MCF2L2: variants seen among roughly 807,000 people sequenced by gnomAD.
MCF2L2 encodes probable guanine nucleotide exchange factor MCF2L2.
In MCF2L2, 102 loss-of-function variants were observed where a neutral mutation model predicts 150.2. The observed-to-expected ratio is 0.68, with a 90% CI of 0.58 to 0.80. MCF2L2 has a LOEUF of 0.80. MCF2L2 is among the 30% of genes least tolerant of loss of function. The pLI is 0.00. For synonymous variants in MCF2L2, 465 were observed against 491.3 expected, an observed-to-expected ratio of 0.95 and a Z score of 0.71; for missense variants, 1,256 against 1,372.8, an observed-to-expected ratio of 0.91 and a Z score of 1.34.
chr3:183,360,148 A>G (rs758141916), intron 3 of MCF2L2, among the ~76,000 whole-genome samples: 4 of 152,256 alleles, frequency 2.6e-5, no homozygotes, highest in Non-Finnish European at 5.9e-5. Context: ...TTGAAGGACT[A>G]CAGCAGCTGC....
At chr3:183,215,578 C>T (rs1034451064) in intron 22 of MCF2L2, among the ~76,000 whole-genome samples, 1 of 152,158 alleles carries the variant, frequency 6.6e-6, no homozygotes, top group Non-Finnish European at 1.5e-5. Context: ...GAATATAGGA[C>T]CTGTTTCCAA....
chr3:183,225,198 T>A (rs1380348854), intron 18 of MCF2L2: 1 of 152,248 alleles, frequency 6.6e-6, no homozygotes, highest in African/African-American at 2.4e-5. Flanking sequence ...TCCATTTCTG[T>A]AGCTCTTTCT....
chr3:183,340,045 T>C (rs956649229), intron 4 of MCF2L2, among the ~76,000 whole-genome samples: 11 of 152,180 alleles, frequency 7.2e-5, no homozygotes, highest in Non-Finnish European at 1.6e-4. Context: ...GCATCAATCA[T>C]GGCTGCAGTT....
chr3:183,268,300 G>A (rs1379073520), intron 15 of MCF2L2, among the ~76,000 whole-genome samples: 2 of 152,206 alleles, frequency 1.3e-5, no homozygotes, highest in South Asian at 2.1e-4. Flanking sequence ...CTAACTAATG[G>A]AGAGGCTCTG....
At chr3:183,216,130 T>G in intron 21 of MCF2L2, 36 bp from the exon 22 acceptor site, 1 of 1,607,706 alleles carries the variant, frequency 6.2e-7, no homozygotes, top group East Asian at 2.2e-5. Context: ...AAATCAAAAG[T>G]ATACCATCTG....
chr3:183,297,162 G>T lies in MCF2L2; in HGVS notation c.1311C>A (p.Ser437Arg). The T allele has an allele frequency of 6.2e-7, 1 of 1,613,730 alleles. No individual in the cohort carries two copies. The highest frequency in any genetic ancestry group is 1.1e-5 in the South Asian group (1 of 91,048). The change falls in exon 12 of 30, where the codon AGC becomes AGA. Residue 437 changes from serine (S) to arginine (R), a missense_variant. Ser to Arg is a moderately radical substitution (Grantham distance 110, BLOSUM62 -1). Transcript: ENST00000328913. ...GGTAGATTCCTGCCTCACACCATTG[G>T]CTGACCTTTTGGAAAGAAACAGTGC... is the stretch of plus-strand genomic sequence containing the variant. Reference protein sequence around the residue: ...LEFHRQLDKVSQWCEAGIYLL... With the variant: ...LEFHRQLDKVRQWCEAGIYLL...
At chr3:183,193,251 C>T (rs1721963205) in intron 26 of MCF2L2, among the ~76,000 whole-genome samples, 155 bp from the exon 27 acceptor site, 1 of 152,162 alleles carries the variant, frequency 6.6e-6, no homozygotes, top group Admixed American at 6.5e-5. Flanking sequence ...GAAGACCTGC[C>T]TCAGGTCAGT....
chr3:183,294,745 C>T (rs1157341959), intron 13 of MCF2L2, among the ~76,000 whole-genome samples: 1 of 151,716 alleles, frequency 6.6e-6, no homozygotes, highest in Middle Eastern at 3.2e-3. Flanking sequence ...TCTCCTGCCT[C>T]AGCCTCCCGA....
chr3:183,339,739 C>A (rs932341401), intron 4 of MCF2L2, among the ~76,000 whole-genome samples: 8 of 152,096 alleles, frequency 5.3e-5, no homozygotes. Flanking sequence ...CCAGTGGTTC[C>A]CCCAAAGCAA....
intron 3 of MCF2L2, among the ~76,000 whole-genome samples, chr3:183,369,877 C>T (rs1490309105): frequency 1.3e-5 from 2 of 152,178 alleles, no homozygotes; most frequent in Admixed American, 1.3e-4. Flanking sequence ...CAGTTGTCTA[C>T]TCTACATCCA....
intron 3 of MCF2L2, among the ~76,000 whole-genome samples, chr3:183,346,778 GC>G (rs1436911549): frequency 6.6e-6 from 1 of 152,124 alleles, no homozygotes; most frequent in Admixed American, 6.5e-5. Flanking sequence ...TAGACAGAGA[GC>G]CAAATCATGA....
intron 15 of MCF2L2, chr3:183,271,816 T>A: frequency 6.0e-6 from 1 of 167,158 alleles, no homozygotes. Flanking sequence ...CATAGAGGAA[T>A]ATAATAATGG....
intron 5 of MCF2L2, among the ~76,000 whole-genome samples, chr3:183,335,601 C>T (rs1458708131): frequency 6.6e-6 from 1 of 151,956 alleles, no homozygotes; most frequent in Admixed American, 6.6e-5. Context: ...AGCATAGTGG[C>T]TCACACCTAT....
intron 27 of MCF2L2, among the ~76,000 whole-genome samples, chr3:183,182,344 G>A (rs891763141): frequency 1.4e-5 from 2 of 141,582 alleles, no homozygotes; most frequent in Non-Finnish European, 1.6e-5. Flanking sequence ...GGGGATGCCT[G>A]GAGCACCACG....
At chr3:183,280,563 C>G (rs9868501) in intron 14 of MCF2L2, among the ~76,000 whole-genome samples, 1 of 152,012 alleles carries the variant, frequency 6.6e-6, no homozygotes, top group Admixed American at 6.6e-5. Flanking sequence ...GCAAGGGTAT[C>G]TGGGCCAGGC....
rs1365451877 is a variant in MCF2L2 at position 183,305,658 on chromosome 3, G to C, written c.1113+4058C>G. Among the ~76,000 whole-genome samples, 1 of 152,194 alleles carries C rather than the reference G, an allele frequency of 6.6e-6. No individual in the cohort carries two copies. Among genetic ancestry groups the C allele is most frequent in the Non-Finnish European group, 1.5e-5 (1 of 68,028 alleles). The stretch of plus-strand genomic sequence containing the variant: ...AAGGTCAGGAGTTAGAGACCAGCCT[G>C]ACCAACATGGTGAAACCCCATCTCT... On this transcript the variant is annotated intron_variant, in intron 10 of 29. Transcript: ENST00000328913. This position sits in a 1 kb window ranked among gnomAD's most constrained non-coding sequence, Gnocchi z 4.1.
chr3:183,393,640 T>C (rs151133345), intron 1 of MCF2L2, among the ~76,000 whole-genome samples: 330 of 152,372 alleles, frequency 2.2e-3, no homozygotes, highest in Non-Finnish European at 2.7e-3. Context: ...GACTCTATTT[T>C]ACCCTGAGCC....
intron 15 of MCF2L2, among the ~76,000 whole-genome samples, chr3:183,248,614 C>T (rs1223150813): frequency 6.6e-6 from 1 of 152,078 alleles, no homozygotes; most frequent in Non-Finnish European, 1.5e-5. Context: ...GCAGGTGGAT[C>T]GCTTGAGCCC....
intron 15 of MCF2L2, chr3:183,273,301 A>T: frequency 3.3e-6 from 1 of 299,794 alleles, no homozygotes; most frequent in South Asian, 1.6e-4. Flanking sequence ...AAATATTTGT[A>T]TTACTTGAAT....
Sources: allele counts gnomAD v4.1 joint callset (sites outside exome capture counted in the v4.1 genomes callset), GRCh38; gene constraint gnomAD v4.1.1; non-coding constraint Gnocchi (gnomAD v3.1); transcripts MANE v1.5; gene names NCBI Gene and HGNC (gene_info 2026-07-23, HGNC 2026-07-21).